Variants in DPP10 observed in about 807,000 individuals in gnomAD.
The protein encoded by DPP10 is dipeptidyl peptidase like 10.
In DPP10, 33 loss-of-function variants were observed where a neutral mutation model predicts 120.9. The ratio of observed to expected loss-of-function variants is 0.27; its 90% confidence interval spans 0.21 to 0.37. DPP10 has a LOEUF of 0.37. Ranked by LOEUF, DPP10 falls within the 10% of genes least tolerant of loss-of-function variation. The probability of loss-of-function intolerance (pLI) is 1.00; values close to 1 mark genes in which losing one functional copy is unlikely to be tolerated. For missense variants in DPP10, 816 were observed against 942.8 expected, an observed-to-expected ratio of 0.87 and a Z score of 1.76; for synonymous variants, 337 against 326.1, an observed-to-expected ratio of 1.03 and a Z score of -0.36.
intron 1 of DPP10, among the ~76,000 whole-genome samples, chr2:114,540,556 A>T (rs1686870795): frequency 6.6e-6 from 1 of 152,196 alleles, no homozygotes; most frequent in African/African-American, 2.4e-5. Flanking sequence ...GAAAAACTTC[A>T]TATTGTGTTT....
intron 5 of DPP10, among the ~76,000 whole-genome samples, chr2:115,623,405 T>C (rs1345599162): frequency 6.6e-6 from 1 of 152,228 alleles, no homozygotes; most frequent in Non-Finnish European, 1.5e-5. Flanking sequence ...TGAAATGATT[T>C]TATACAGATA....
intron 3 of DPP10, among the ~76,000 whole-genome samples, chr2:115,441,850 T>C (rs1215473976): frequency 2.7e-5 from 4 of 147,302 alleles, no homozygotes; most frequent in African/African-American, 1.0e-4. Context: ...AGAGTCTCGC[T>C]GTTTCCCCAG....
chr2:114,993,564 A>G lies in DPP10; in HGVS notation c.61-315675A>G, dbSNP rs1245083629. Among the ~76,000 whole-genome samples the G allele has an allele frequency of 1.0e-4, 12 of 115,636 alleles. 1 individual carries two copies. The Admixed American group carries it at 1.1e-3, about 10-fold the overall frequency. 75.9% of individuals were successfully genotyped at this position (115,636 alleles called of 152,430 possible). On this transcript the variant is annotated intron_variant, in intron 1 of 25. Coordinates refer to ENST00000410059, the MANE Select transcript of DPP10 (RefSeq NM_020868.6). ...TGTAGATAATGGATGGATTCTTATT[A>G]TGTGTGTGTGTGTGTGTATATATAT...
At chr2:115,155,391 T>C (rs1180135176) in intron 1 of DPP10, among the ~76,000 whole-genome samples, 1 of 151,860 alleles carries the variant, frequency 6.6e-6, no homozygotes, top group Non-Finnish European at 1.5e-5. Flanking sequence ...GGCTTCTCCA[T>C]GTGAAAGGTC....
chr2:115,135,522 A>G (rs2050608411), intron 1 of DPP10, among the ~76,000 whole-genome samples: 3 of 152,208 alleles, frequency 2.0e-5, no homozygotes, highest in African/African-American at 7.2e-5. Flanking sequence ...GCCCCATGAG[A>G]TAGTAGGTAG....
At chr2:115,564,448 A>G (rs2080879447) in intron 5 of DPP10, among the ~76,000 whole-genome samples, 1 of 152,114 alleles carries the variant, frequency 6.6e-6, no homozygotes, top group South Asian at 2.1e-4. Flanking sequence ...GTTTATGTTA[A>G]TTTGTACCCA....
At chr2:115,737,687 A>G (rs1676734218) in intron 8 of DPP10, among the ~76,000 whole-genome samples, 1 of 152,174 alleles carries the variant, frequency 6.6e-6, no homozygotes, top group Non-Finnish European at 1.5e-5. Flanking sequence ...TAGCAGTTTT[A>G]CAGCTTGCCT....
chr2:115,048,228 C>T (rs1236122865), intron 1 of DPP10, among the ~76,000 whole-genome samples: 1 of 151,996 alleles, frequency 6.6e-6, no homozygotes. Flanking sequence ...TTCAATGTTT[C>T]TCAACTGAGT....
intron 1 of DPP10, among the ~76,000 whole-genome samples, chr2:114,937,582 T>A (rs1696576777): frequency 6.6e-6 from 1 of 152,190 alleles, no homozygotes; most frequent in African/African-American, 2.4e-5. Flanking sequence ...TCTTTCCAAC[T>A]TTCTCTTGTG....
At chr2:115,259,171 C>A (rs13013807) in intron 1 of DPP10, among the ~76,000 whole-genome samples, 1 of 151,942 alleles carries the variant, frequency 6.6e-6, no homozygotes, top group African/African-American at 2.4e-5. Context: ...TTCCTGGTGC[C>A]CAAAGGGAGG....
chr2:114,770,081 G>C (rs1209541738), intron 1 of DPP10, among the ~76,000 whole-genome samples: 1 of 152,062 alleles, frequency 6.6e-6, no homozygotes, highest in Non-Finnish European at 1.5e-5. Context: ...ATGCCATTTT[G>C]TTGTTGTTGT....
At chr2:115,540,530 A>T (rs1575132212) in intron 5 of DPP10, among the ~76,000 whole-genome samples, 1 of 151,900 alleles carries the variant, frequency 6.6e-6, no homozygotes, top group Non-Finnish European at 1.5e-5. Context: ...TCAAAATAAG[A>T]GATACCTTAC....
intron 5 of DPP10, among the ~76,000 whole-genome samples, chr2:115,530,935 T>G (rs1346197697): frequency 6.6e-6 from 1 of 152,108 alleles, no homozygotes; most frequent in Non-Finnish European, 1.5e-5. Context: ...TTCCACCCAT[T>G]GAAGACTTTC....
chr2:114,839,959 G>A (rs1230378650), intron 1 of DPP10, among the ~76,000 whole-genome samples: 2 of 152,090 alleles, frequency 1.3e-5, no homozygotes, highest in Non-Finnish European at 2.9e-5. Context: ...CATGAAAAAA[G>A]CAAGAGTAAA....
chr2:115,064,679 A>G, intron 1 of DPP10: 1 of 1,296,584 alleles, frequency 7.7e-7, no homozygotes, highest in Non-Finnish European at 1.0e-6. Flanking sequence ...AGTGAGTGAC[A>G]TGCAAGGAAC....
At chr2:115,774,983 T>C (rs935243823) in intron 13 of DPP10, among the ~76,000 whole-genome samples, 2 of 152,230 alleles carry the variant, frequency 1.3e-5, no homozygotes, top group East Asian at 3.9e-4. Context: ...ATTGCACAAA[T>C]AACAACATTT....
At chr2:114,538,540 C>G (rs1686697954) in intron 1 of DPP10, among the ~76,000 whole-genome samples, 1 of 152,166 alleles carries the variant, frequency 6.6e-6, no homozygotes, top group Admixed American at 6.5e-5. Flanking sequence ...GTGCTTGCTA[C>G]AGTGATGCAC....
chr2:115,076,791 A>G (rs961693431), intron 1 of DPP10, among the ~76,000 whole-genome samples: 18 of 152,244 alleles, frequency 1.2e-4, no homozygotes, highest in African/African-American at 3.6e-4. Context: ...ATTGTTCATT[A>G]TAAATAATGA....
intron 1 of DPP10, among the ~76,000 whole-genome samples, chr2:114,929,223 C>T (rs1173904930): frequency 6.6e-6 from 1 of 152,140 alleles, no homozygotes; most frequent in East Asian, 1.9e-4. Context: ...AGAGCAAGAT[C>T]ACAAGGCCAG....
Sources: allele counts gnomAD v4.1 joint callset (sites outside exome capture counted in the v4.1 genomes callset), GRCh38; gene constraint gnomAD v4.1.1; transcripts MANE v1.5; gene names NCBI Gene and HGNC (gene_info 2026-07-23, HGNC 2026-07-21).